The following KCNT2 variants were observed in gnomAD, a reference collection of about 807,000 sequenced individuals.
KCNT2 encodes potassium sodium-activated channel subfamily T member 2.
Under a neutral mutation model 153.8 loss-of-function variants are expected in KCNT2, and 67 were observed. The ratio of observed to expected loss-of-function variants is 0.44; its 90% CI spans 0.36 to 0.53. KCNT2 has a LOEUF of 0.53. KCNT2 is among the 20% of genes least tolerant of loss of function. The probability of loss-of-function intolerance (pLI) is 0.00; values close to 1 mark genes in which losing one functional copy is unlikely to be tolerated. For synonymous variants in KCNT2, 500 were observed against 458.8 expected, an observed-to-expected ratio of 1.09 and a Z score of -1.15; for missense variants, 975 against 1,354.8, an observed-to-expected ratio of 0.72 and a Z score of 4.40.
chr1:196,515,998 C>T (rs1192307709), intron 1 of KCNT2, among the ~76,000 whole-genome samples: 7 of 152,134 alleles, frequency 4.6e-5, no homozygotes, highest in South Asian at 4.1e-4. Flanking sequence ...CAGGCACATG[C>T]GAAGCCCCAG....
intron 8 of KCNT2, among the ~76,000 whole-genome samples, chr1:196,456,609 A>T (rs1676693033): frequency 6.6e-6 from 1 of 151,844 alleles, no homozygotes; most frequent in South Asian, 2.1e-4. Context: ...TCTTCTGGTT[A>T]TTTGTTAATA....
At chr1:196,593,341 C>CAT in intron 1 of KCNT2, among the ~76,000 whole-genome samples, 1 of 142,570 alleles carries the variant, frequency 7.0e-6, no homozygotes, top group African/African-American at 2.5e-5. Context: ...CACACACACA[C>CAT]ATATATATGT....
intron 14 of KCNT2, among the ~76,000 whole-genome samples, chr1:196,369,667 A>G (rs1423053664): frequency 4.6e-5 from 7 of 152,128 alleles, no homozygotes; most frequent in Admixed American, 2.0e-4. Flanking sequence ...ATCCTTTTTT[A>G]TGGCTGCATA....
At chr1:196,253,395 A>G (rs1402683201) in intron 26 of KCNT2, among the ~76,000 whole-genome samples, 2 of 151,318 alleles carry the variant, frequency 1.3e-5, no homozygotes, top group Non-Finnish European at 3.0e-5. Context: ...TAGAATGTTC[A>G]ATTTGGTCTC....
At chr1:196,293,404 A>G (rs927727001) in intron 22 of KCNT2, among the ~76,000 whole-genome samples, 2 of 152,242 alleles carry the variant, frequency 1.3e-5, no homozygotes, top group African/African-American at 4.8e-5. Context: ...AAAATCTATT[A>G]CAAAGCTATA....
chr1:196,565,875 G>A (rs1660047026), intron 1 of KCNT2, among the ~76,000 whole-genome samples: 1 of 151,530 alleles, frequency 6.6e-6, no homozygotes, highest in African/African-American at 2.4e-5. Flanking sequence ...TATTAGATAT[G>A]AGGAATAAGT....
chr1:196,346,821 G>A (rs1196080259), intron 14 of KCNT2, among the ~76,000 whole-genome samples: 1 of 152,122 alleles, frequency 6.6e-6, no homozygotes, highest in Non-Finnish European at 1.5e-5. Context: ...ACCAATTGCA[G>A]CAGAATGTAG....
chr1:196,354,885 C>A (rs953841397), intron 14 of KCNT2, among the ~76,000 whole-genome samples: 3 of 151,574 alleles, frequency 2.0e-5, no homozygotes, highest in Non-Finnish European at 4.4e-5. Context: ...ACAATTATTG[C>A]AAACTTTATT....
chr1:196,264,890 C>CAG (rs1186639504), intron 25 of KCNT2, among the ~76,000 whole-genome samples: 6 of 152,162 alleles, frequency 3.9e-5, no homozygotes, highest in Admixed American at 3.9e-4. Context: ...GTCAACCTCT[C>CAG]AAAGTGCTGG....
chr1:196,298,856 A>G (rs74136503), intron 22 of KCNT2, among the ~76,000 whole-genome samples: 2,959 of 149,860 alleles, frequency 0.02, 82 homozygotes, highest in African/African-American at 0.069. Flanking sequence ...ACAGAAAATT[A>G]CAAGGAGTAT....
Position 196,563,946 on chromosome 1 carries a change from A to T in KCNT2, c.95+44269T>A, listed in dbSNP as rs1490335309. On this transcript the variant is annotated intron_variant, in intron 1 of 27. Coordinates refer to ENST00000294725, the MANE Select transcript of KCNT2 (RefSeq NM_198503.5). ...TGAAAGTTTCTTGTCTCAAATCAGG[A>T]ACAAAAAAGCAATGACCATTCTTGC... is the stretch of plus-strand genomic sequence containing the variant. Among the ~76,000 whole-genome samples, 3 of 152,088 alleles carry T rather than the reference A, an allele frequency of 2.0e-5. No homozygotes were observed. The East Asian group carries it at 5.8e-4, about 29-fold the overall frequency.
At chr1:196,314,052 G>C (rs1352031283) in intron 21 of KCNT2, among the ~76,000 whole-genome samples, 1 of 151,490 alleles carries the variant, frequency 6.6e-6, no homozygotes, top group Non-Finnish European at 1.5e-5. Context: ...ATCTGTCCAT[G>C]ATTACTATGG....
At chr1:196,390,289 T>A (rs1436048559) in intron 13 of KCNT2, among the ~76,000 whole-genome samples, 1 of 151,646 alleles carries the variant, frequency 6.6e-6, no homozygotes, top group Non-Finnish European at 1.5e-5. Context: ...ACTGGACATA[T>A]AAACTCATAT....
At chr1:196,385,930 G>C (rs558969770) in intron 13 of KCNT2, among the ~76,000 whole-genome samples, 12 of 152,068 alleles carry the variant, frequency 7.9e-5, no homozygotes, top group African/African-American at 2.4e-4. Flanking sequence ...TAGCAGAATG[G>C]GGATGAACCA....
chr1:196,516,889 T>C (rs982777552), intron 1 of KCNT2, among the ~76,000 whole-genome samples: 1 of 152,152 alleles, frequency 6.6e-6, no homozygotes, highest in African/African-American at 2.4e-5. Flanking sequence ...TACAGCACCC[T>C]TATGGAAAAG....
chr1:196,599,639 G>A (rs541096042), intron 1 of KCNT2, among the ~76,000 whole-genome samples: 1 of 152,306 alleles, frequency 6.6e-6, no homozygotes, highest in South Asian at 2.1e-4. Context: ...ACTCTAAAGA[G>A]GAAAGAGGTC....
intron 21 of KCNT2, among the ~76,000 whole-genome samples, chr1:196,310,640 G>A (rs1468429987): frequency 6.6e-6 from 1 of 151,466 alleles, no homozygotes; most frequent in Non-Finnish European, 1.5e-5. Context: ...GACTACTTGT[G>A]CCAATCTAAG....
intron 1 of KCNT2, among the ~76,000 whole-genome samples, chr1:196,565,146 G>A (rs1348983975): frequency 2.0e-5 from 3 of 150,316 alleles, no homozygotes; most frequent in African/African-American, 7.3e-5. Flanking sequence ...TTACAAATGG[G>A]TTTCTCAAAG....
At chr1:196,260,680 A>C (rs1656930661) in intron 25 of KCNT2, among the ~76,000 whole-genome samples, 1 of 151,858 alleles carries the variant, frequency 6.6e-6, no homozygotes, top group African/African-American at 2.4e-5. Context: ...ACATGTTTGG[A>C]ATTTGCATTC....
Sources: gnomAD v4.1 joint callset for allele counts (sites outside exome capture counted in the v4.1 genomes callset) on GRCh38, gnomAD v4.1.1 for gene constraint, MANE v1.5 for transcripts, NCBI Gene and HGNC (gene_info 2026-07-23, HGNC 2026-07-21) for gene names.